Variants in FRMPD1 observed in about 807,000 individuals in gnomAD.
FRMPD1 encodes FERM and PDZ domain-containing protein 1.
A neutral mutation model predicts 117.8 loss-of-function variants in FRMPD1; 76 were observed. The ratio of observed to expected loss-of-function variants is 0.65; its 90% CI spans 0.54 to 0.78. FRMPD1 has a LOEUF of 0.78. Among genes scored for constraint, FRMPD1 ranks in the 30% least tolerant of loss-of-function variants. The pLI is 0.00. For missense variants in FRMPD1, 1,786 were observed against 1,964.5 expected, an observed-to-expected ratio of 0.91 and a Z score of 1.72; for synonymous variants, 783 against 770.4, an observed-to-expected ratio of 1.02 and a Z score of -0.27.
intron 1 of FRMPD1, among the ~76,000 whole-genome samples, chr9:37,683,033 G>A (rs1821783480): frequency 6.6e-6 from 1 of 152,114 alleles, no homozygotes; most frequent in African/African-American, 2.4e-5. Context: ...TTAGCAGTCA[G>A]TTCCCATTTC....
rs75665006 is a variant in FRMPD1, at chr9:37,700,401, G to A, written c.102-7015G>A. Among the ~76,000 whole-genome samples, 10 of 152,178 alleles carry A rather than the reference G, an allele frequency of 6.6e-5. No individual in the cohort carries two copies. In the East Asian group the frequency reaches 1.2e-3, roughly 18 times the overall value. On this transcript the variant is annotated intron_variant, in intron 2 of 15. Transcript: ENST00000377765. ...CCTCTATTTCTGGTTTCTTTGAATC[G>A]TCTTTACGTTATGAAATCCAGTTTA...
the FRMPD1 span, among the ~76,000 whole-genome samples, chr9:37,637,964 C>CTTTTTTT: frequency 3.1e-4 from 10 of 32,152 alleles, no homozygotes; most frequent in South Asian, 8.8e-3. Context: ...ATGGTGTATG[C>CTTTTTTT]TTTCTTTCTT....
chr9:37,660,497 A>G (rs1159030065), intron 1 of FRMPD1, among the ~76,000 whole-genome samples: 1 of 152,188 alleles, frequency 6.6e-6, no homozygotes, highest in Non-Finnish European at 1.5e-5. Flanking sequence ...AGGACCATCT[A>G]GTAAGGAAGA....
intron 7 of FRMPD1, chr9:37,728,037 G>A (rs1823691847): frequency 1.3e-5 from 2 of 152,236 alleles, no homozygotes; most frequent in African/African-American, 4.8e-5. Context: ...ATCTAGTGGG[G>A]TGAAAGACAA....
chr9:37,710,085 C>G (rs1199982361), intron 4 of FRMPD1, among the ~76,000 whole-genome samples: 1 of 152,176 alleles, frequency 6.6e-6, no homozygotes, highest in African/African-American at 2.4e-5. Flanking sequence ...CAAAAAGATA[C>G]AACAACAATG....
the FRMPD1 span, among the ~76,000 whole-genome samples, chr9:37,605,311 C>G: frequency 1.3e-5 from 2 of 152,206 alleles, no homozygotes; most frequent in African/African-American, 4.8e-5. Context: ...GAATGCTAGT[C>G]AGTCCCTGAG....
In FRMPD1 at chr9:37,655,076, A is replaced by T. The variant is rs148779437; in HGVS notation, c.-5+3982A>T. On this transcript the variant is annotated intron_variant, in intron 1 of 15. Coordinates refer to ENST00000377765, the MANE Select transcript of FRMPD1 (RefSeq NM_014907.3). ...GTGCCACCAGCCCTGGTACCAAAATACTGGCTGTGCCCGCTTGCTGCGGGG... is the reference window on the plus strand; with the variant it reads ...GTGCCACCAGCCCTGGTACCAAAATTCTGGCTGTGCCCGCTTGCTGCGGGG... Among the ~76,000 whole-genome samples, 314 of 152,236 alleles carry T rather than the reference A, an allele frequency of 2.1e-3. 2 individuals carry two copies. The highest frequency in any genetic ancestry group is 7.3e-3 in the African/African-American group (305 of 41,534).
At chr9:37,650,474 G>T (rs1056588476), upstream of FRMPD1, among the ~76,000 whole-genome samples, 7 of 152,098 alleles carry the variant, frequency 4.6e-5, no homozygotes, top group African/African-American at 1.7e-4. Flanking sequence ...GTGGGCCCAC[G>T]CTCTCCCTCT....
chr9:37,709,664 C>A lies in FRMPD1; in HGVS notation c.362+1163C>A, dbSNP rs191783720. On this transcript the variant is annotated intron_variant, in intron 4 of 15. Transcript: ENST00000377765. ...GTAGGCTGACAAAACAGAGAAGGGC[C>A]CAGAAATATTTCAGTTGTGTCTTTA... is the stretch of plus-strand genomic sequence containing the variant. Among the ~76,000 whole-genome samples the A allele has an allele frequency of 4.1e-4, 62 of 152,140 alleles. No individual in the cohort carries two copies. The East Asian group carries it at 8.9e-3, about 22-fold the overall frequency.
At chr9:37,716,341 A>G (rs1823118111) in intron 5 of FRMPD1, among the ~76,000 whole-genome samples, 1 of 152,230 alleles carries the variant, frequency 6.6e-6, no homozygotes. Context: ...CACACTTCAC[A>G]TTAATCCCTG....
At chr9:37,731,946 A>T (rs947593062) in intron 9 of FRMPD1, among the ~76,000 whole-genome samples, 1 of 152,218 alleles carries the variant, frequency 6.6e-6, no homozygotes, top group Non-Finnish European at 1.5e-5. Context: ...AACTCAGACT[A>T]GGTGGATTGG....
chr9:37,612,403 C>T, the FRMPD1 span, among the ~76,000 whole-genome samples: 24 of 152,260 alleles, frequency 1.6e-4, no homozygotes, highest in South Asian at 1.7e-3. Context: ...GGCTGGAGTG[C>T]AGTGGCGTGA....
At chr9:37,624,348 C>G in the FRMPD1 span, among the ~76,000 whole-genome samples, 2 of 152,192 alleles carry the variant, frequency 1.3e-5, no homozygotes, top group African/African-American at 4.8e-5. Flanking sequence ...GGGCACACAG[C>G]AGGAGACAGG....
At chr9:37,620,517 T>TAAA in the FRMPD1 span, among the ~76,000 whole-genome samples, 2,089 of 146,374 alleles carry the variant, frequency 0.014, 60 homozygotes, top group African/African-American at 0.049. Flanking sequence ...CATCATGATT[T>TAAA]AAAAAAAAAA....
the FRMPD1 span, among the ~76,000 whole-genome samples, chr9:37,640,489 G>A: frequency 1.3e-5 from 2 of 152,190 alleles, no homozygotes; most frequent in Admixed American, 1.3e-4. Context: ...CTCCCATTAA[G>A]CTTCATGGGA....
rs138525528 is a variant in FRMPD1, at chr9:37,685,410, A to G, written c.-4-7228A>G. ...TGTAATCCCAGCACTTTGGGAGGCC[A>G]AGGCGGGCGGATCACAAAGTCAGGA... On this transcript the variant is annotated intron_variant, in intron 1 of 15. Transcript: ENST00000377765. Among the ~76,000 whole-genome samples, 864 of 152,194 alleles carry G rather than the reference A, an allele frequency of 5.7e-3. 10 individuals carry two copies. The highest frequency in any genetic ancestry group is 6.7e-3 in the Non-Finnish European group (456 of 67,986).
At position 37,719,532 on chromosome 9, in the gene FRMPD1, C is replaced by T. The variant is rs571653596; in HGVS notation, c.516+356C>T. Reference sequence around the variant, plus strand: ...GAGGGTGATCTATTGATAATGGTGCCGGTGGTGATGGGATTGCTTTTTAGT... The same window carrying T: ...GAGGGTGATCTATTGATAATGGTGCTGGTGGTGATGGGATTGCTTTTTAGT... On this transcript the variant is annotated intron_variant, in intron 6 of 15. Transcript: ENST00000377765. 2.0e-4 allele frequency among the ~76,000 whole-genome samples: 31 copies of T among 152,204 alleles called. 1 individual carries two copies. In the South Asian group the frequency reaches 6.0e-3, roughly 30 times the overall value.
intron 14 of FRMPD1, among the ~76,000 whole-genome samples, chr9:37,737,757 AG>A (rs1824200262): frequency 7.0e-6 from 1 of 142,418 alleles, no homozygotes; most frequent in South Asian, 2.4e-4. Context: ...CAGGAAGTGG[AG>A]GTTGCAGTGA....
the FRMPD1 span, among the ~76,000 whole-genome samples, chr9:37,621,471 C>T: frequency 6.6e-6 from 1 of 152,294 alleles, no homozygotes; most frequent in African/African-American, 2.4e-5. Flanking sequence ...AAGTGCCGCT[C>T]ATGGCCCCAG....
Sources: gnomAD v4.1 joint callset for allele counts (sites outside exome capture counted in the v4.1 genomes callset) on GRCh38, gnomAD v4.1.1 for gene constraint, MANE v1.5 for transcripts, NCBI Gene and HGNC (gene_info 2026-07-23, HGNC 2026-07-21) for gene names.